RPGRIP1L: variants seen among roughly 807,000 people sequenced by gnomAD.
RPGRIP1L encodes RPGRIP1 like.
A neutral mutation model predicts 160.4 loss-of-function variants in RPGRIP1L; 131 were observed. The observed-to-expected ratio is 0.82, with a 90% CI of 0.71 to 0.94. The LOEUF is 0.94. Ranked by LOEUF, RPGRIP1L falls within the 40% of genes least tolerant of loss-of-function variation. RPGRIP1L has a pLI of 0.00. For missense variants in RPGRIP1L, 1,522 were observed against 1,535.8 expected (o/e 0.99, Z 0.15); for synonymous variants, 510 against 515.8 (o/e 0.99, Z 0.15).
At chr16:53,605,403 C>CA (rs774171501) in intron 26 of RPGRIP1L, 78 bp downstream of exon 26, 1 of 1,554,076 alleles carries the variant, frequency 6.4e-7, no homozygotes. Context: ...TTGGAGCCAG[C>CA]AAAAAGAAGG....
intron 4 of RPGRIP1L, among the ~76,000 whole-genome samples, 156 bp downstream of exon 4, chr16:53,691,910 T>C (rs1006987924): frequency 6.6e-6 from 1 of 152,212 alleles, no homozygotes; most frequent in Non-Finnish European, 1.5e-5. Flanking sequence ...TAAATAATCT[T>C]CACTGACAAT....
intron 15 of RPGRIP1L, among the ~76,000 whole-genome samples, chr16:53,651,591 C>G (rs1345061825): frequency 6.6e-6 from 1 of 152,160 alleles, no homozygotes; most frequent in African/African-American, 2.4e-5. Context: ...CAGGTTTTTG[C>G]ACTTGCTATT....
At chr16:53,642,458 T>C (rs1198196354) in intron 17 of RPGRIP1L, among the ~76,000 whole-genome samples, 6 of 150,916 alleles carry the variant, frequency 4.0e-5, no homozygotes, top group Non-Finnish European at 5.9e-5. Flanking sequence ...TCCCAAACTC[T>C]AGACTTTGGG....
At chr16:53,660,218 C>T (rs1427404617) in intron 10 of RPGRIP1L, among the ~76,000 whole-genome samples, 1 of 152,134 alleles carries the variant, frequency 6.6e-6, no homozygotes, top group Non-Finnish European at 1.5e-5. Context: ...CCTTTGTTGA[C>T]TCCCTGTGGA....
intron 9 of RPGRIP1L, among the ~76,000 whole-genome samples, chr16:53,667,254 T>C (rs1968344603): frequency 6.6e-6 from 1 of 152,188 alleles, no homozygotes; most frequent in Non-Finnish European, 1.5e-5. Flanking sequence ...GCATGTCCAC[T>C]GGCAGACATG....
In RPGRIP1L at chr16:53,608,983, C is replaced by T. The variant is rs539381567; in HGVS notation, c.3701+1984G>A. 1.8e-4 allele frequency among the ~76,000 whole-genome samples: 28 copies of T among 152,328 alleles called. No individual in the cohort carries two copies. In the South Asian group the frequency reaches 5.6e-3, roughly 30 times the overall value. On this transcript the variant is annotated intron_variant, in intron 25 of 26. Coordinates refer to ENST00000647211, the MANE Select transcript of RPGRIP1L (RefSeq NM_015272.5). ...GAAGCCCTGAGCCAGTCACTTGGCA[C>T]CTGCAATACCTCTCTATCTTTCTCA...
chr16:53,672,805 A>G (rs1253133870), intron 8 of RPGRIP1L, 65 bp downstream of exon 8: 2 of 1,403,934 alleles, frequency 1.4e-6, no homozygotes, highest in Non-Finnish European at 2.0e-6. Flanking sequence ...TCTCTATTTT[A>G]CTTTTTCAAA....
At chr16:53,644,284 C>G (rs1010684739) in intron 17 of RPGRIP1L, among the ~76,000 whole-genome samples, 1 of 151,998 alleles carries the variant, frequency 6.6e-6, no homozygotes, top group African/African-American at 2.4e-5. Flanking sequence ...ATTATTCAAT[C>G]TGAAGAATGG....
At chr16:53,646,469 C>CA (rs200563240) in intron 16 of RPGRIP1L, among the ~76,000 whole-genome samples, 1,726 of 152,066 alleles carry the variant, frequency 0.011, 30 homozygotes, top group African/African-American at 0.039. Context: ...GCCAGTATAA[C>CA]AAAGTCTAAC....
chr16:53,675,186 A>G (rs879086207), intron 6 of RPGRIP1L, 64 bp from the exon 7 acceptor site: 2 of 1,026,588 alleles, frequency 1.9e-6, no homozygotes, highest in South Asian at 1.3e-5. Context: ...AAGAAAATCT[A>G]TGGTGGAATC....
At chr16:53,638,609 A>G (rs1481735820) in intron 19 of RPGRIP1L, among the ~76,000 whole-genome samples, 198 bp from the exon 20 acceptor site, 1 of 151,758 alleles carries the variant, frequency 6.6e-6, no homozygotes, top group East Asian at 1.9e-4. Flanking sequence ...ATGTAATTTA[A>G]GAACTGCAAG....
intron 3 of RPGRIP1L, 93 bp downstream of exon 3, chr16:53,696,058 T>C: frequency 2.5e-6 from 3 of 1,222,684 alleles, no homozygotes; most frequent in Non-Finnish European, 3.6e-6. Context: ...CCAAACAAGA[T>C]TCAAGGTGGG....
intron 24 of RPGRIP1L, among the ~76,000 whole-genome samples, chr16:53,615,468 A>ATTTTTTTTTT (rs1441369433): frequency 1.0e-4 from 7 of 69,876 alleles, no homozygotes; most frequent in African/African-American, 3.1e-4. Flanking sequence ...ATATATATAT[A>ATTTTTTTTTT]TATATTTTTT....
In RPGRIP1L at chr16:53,599,352, G is replaced by A. The variant is rs1376265333; in HGVS notation, c.*2724C>T. On this transcript the variant is annotated 3_prime_UTR_variant, in exon 27 of 27. Coordinates refer to ENST00000647211, the MANE Select transcript of RPGRIP1L (RefSeq NM_015272.5). ...TTTAGAAAACATGGTGAAACTGAGA[G>A]TGAAGAGAAATGTTCTTTACGTAAA... 1 of 152,194 alleles carries A rather than the reference G, an allele frequency of 6.6e-6. No homozygotes were observed. The highest frequency in any genetic ancestry group is 2.4e-5 in the African/African-American group (1 of 41,448). The allele number at this position is 152,194 out of a possible 1,614,324, so 9.4% of individuals were successfully genotyped here. A position where few individuals can be genotyped will look rare whatever the true frequency, so the allele number is the denominator to read the frequency against.
At chr16:53,628,896 A>T (rs1567811787) in intron 22 of RPGRIP1L, 1 of 152,028 alleles carries the variant, frequency 6.6e-6, no homozygotes, top group Non-Finnish European at 1.5e-5. Context: ...GATTTGGATT[A>T]TTTTTTTCCT....
chr16:53,703,341 T>C (rs1228531978), intron 1 of RPGRIP1L: 2 of 152,170 alleles, frequency 1.3e-5, no homozygotes, highest in Admixed American at 1.3e-4. Context: ...GAGATTAAAA[T>C]GGCAAGCAAA....
At chr16:53,610,819 G>A (rs1963986432) in intron 25 of RPGRIP1L, 148 bp downstream of exon 25, 1 of 686,140 alleles carries the variant, frequency 1.5e-6, no homozygotes. Flanking sequence ...GCGATCTACA[G>A]AGATCCCGTA....
intron 15 of RPGRIP1L, among the ~76,000 whole-genome samples, chr16:53,652,099 A>G: frequency 6.6e-6 from 1 of 152,058 alleles, no homozygotes; most frequent in East Asian, 1.9e-4. Flanking sequence ...GAGATGGAAG[A>G]GCGAAAGCTC....
intron 21 of RPGRIP1L, among the ~76,000 whole-genome samples, chr16:53,636,941 G>GACACACACACACACAC (rs34373919): frequency 7.0e-6 from 1 of 142,124 alleles, no homozygotes; most frequent in Non-Finnish European, 1.5e-5. Context: ...TGCAATATTT[G>GACACACACACACACAC]ACACACACAC....
Sources: allele counts gnomAD v4.1 joint callset (sites outside exome capture counted in the v4.1 genomes callset), GRCh38; gene constraint gnomAD v4.1.1; transcripts MANE v1.5; gene names NCBI Gene and HGNC (gene_info 2026-07-23, HGNC 2026-07-21).